The following SLC24A3 variants were observed in gnomAD, a reference collection of about 807,000 sequenced individuals.
SLC24A3 encodes solute carrier family 24 member 3, also known as sodium/potassium/calcium exchanger 3.
A neutral mutation model predicts 75.8 loss-of-function variants in SLC24A3; 28 were observed. That is an observed-to-expected ratio of 0.37 (90% confidence interval 0.27 to 0.51). The LOEUF is 0.51. Among genes scored for constraint, SLC24A3 ranks in the 20% least tolerant of loss-of-function variants. SLC24A3 has a pLI of 0.94. For missense variants in SLC24A3, 663 were observed against 847.8 expected, an observed-to-expected ratio of 0.78 and a Z score of 2.71; for synonymous variants, 372 against 334.1, an observed-to-expected ratio of 1.11 and a Z score of -1.24.
At chr20:19,646,686 G>A (rs1311478282) in intron 6 of SLC24A3, among the ~76,000 whole-genome samples, 1 of 152,212 alleles carries the variant, frequency 6.6e-6, no homozygotes, top group Non-Finnish European at 1.5e-5. Flanking sequence ...AGGGAGAACA[G>A]TCATGGCCTC....
In SLC24A3 at chr20:19,239,953, C is replaced by T. The variant is rs924419554; in HGVS notation, c.142+26969C>T. Among the ~76,000 whole-genome samples the T allele has an allele frequency of 5.9e-5, 9 of 152,112 alleles. No homozygotes were observed. The East Asian group carries it at 1.2e-3, about 20-fold the overall frequency. On this transcript the variant is annotated intron_variant, in intron 1 of 16. Coordinates refer to ENST00000328041, the MANE Select transcript of SLC24A3 (RefSeq NM_020689.4). Reference sequence around the variant, plus strand: ...TGTGGAGTGGGAGAAGCACAATCTGCGGTTGTCCTGAGTCTTTTCTGTCTT... The same window carrying T: ...TGTGGAGTGGGAGAAGCACAATCTGTGGTTGTCCTGAGTCTTTTCTGTCTT...
At chr20:19,403,167 A>G (rs180995137) in intron 2 of SLC24A3, among the ~76,000 whole-genome samples, 14 of 152,290 alleles carry the variant, frequency 9.2e-5, no homozygotes, top group Non-Finnish European at 1.8e-4. Context: ...CAGTGTCACA[A>G]TTGTACTTTT....
At position 19,546,460 on chromosome 20, in the gene SLC24A3, G is replaced by A. The variant is rs76994633; in HGVS notation, c.348+30896G>A. On this transcript the variant is annotated intron_variant, in intron 3 of 16. Coordinates refer to ENST00000328041, the MANE Select transcript of SLC24A3 (RefSeq NM_020689.4). Reference sequence around the variant, plus strand: ...AAATCTCATCAATGCCTAAAACAGAGCTGCTTGACAGAAGTGGGCTGGAAG... The same window carrying A: ...AAATCTCATCAATGCCTAAAACAGAACTGCTTGACAGAAGTGGGCTGGAAG... Among the ~76,000 whole-genome samples the A allele has an allele frequency of 2.3e-3, 348 of 152,288 alleles. 1 individual carries two copies. The highest frequency in any genetic ancestry group is 8.0e-3 in the African/African-American group (333 of 41,572).
intron 2 of SLC24A3, among the ~76,000 whole-genome samples, chr20:19,499,066 T>C (rs12625906): frequency 0.087 from 13,197 of 152,204 alleles, 869 homozygotes; most frequent in East Asian, 0.33. Flanking sequence ...GCAGTGAGTG[T>C]TGGAGCCTTC....
At chr20:19,484,219 T>G (rs575613183) in intron 2 of SLC24A3, among the ~76,000 whole-genome samples, 1 of 152,338 alleles carries the variant, frequency 6.6e-6, no homozygotes, top group African/African-American at 2.4e-5. Context: ...TAATGAGGTA[T>G]CTTGGAGATG....
chr20:19,494,080 G>A (rs552838114), intron 2 of SLC24A3, among the ~76,000 whole-genome samples: 135 of 152,248 alleles, frequency 8.9e-4, no homozygotes, highest in South Asian at 1.7e-3. Context: ...GTCTGTGACT[G>A]GAGATCCTTC....
chr20:19,678,746 C>T (rs1271936527), intron 9 of SLC24A3, among the ~76,000 whole-genome samples: 3 of 148,608 alleles, frequency 2.0e-5, no homozygotes, highest in Admixed American at 6.6e-5. Context: ...ATTTCTCAGA[C>T]GGGGCGGCTG....
At chr20:19,646,018 G>C (rs2032132771) in intron 6 of SLC24A3, among the ~76,000 whole-genome samples, 2 of 152,094 alleles carry the variant, frequency 1.3e-5, no homozygotes, top group South Asian at 2.1e-4. Flanking sequence ...TTGCACCACT[G>C]CACTCCAGCC....
chr20:19,260,259 G>A (rs1251602066), intron 1 of SLC24A3, among the ~76,000 whole-genome samples: 2 of 152,320 alleles, frequency 1.3e-5, no homozygotes, highest in East Asian at 3.9e-4. Flanking sequence ...GCGACCTTTG[G>A]CAAGTTGCTG....
chr20:19,239,569 G>A (rs1982273633), intron 1 of SLC24A3, among the ~76,000 whole-genome samples: 1 of 152,222 alleles, frequency 6.6e-6, no homozygotes. Flanking sequence ...TGACCCCAGG[G>A]TGGCTGACCC....
At chr20:19,246,076 T>C (rs1982476563) in intron 1 of SLC24A3, among the ~76,000 whole-genome samples, 1 of 152,186 alleles carries the variant, frequency 6.6e-6, no homozygotes, top group African/African-American at 2.4e-5. Context: ...GAATTCACTT[T>C]GTACGTGGCC....
At chr20:19,500,035 A>G (rs1418722849) in intron 2 of SLC24A3, among the ~76,000 whole-genome samples, 2 of 152,154 alleles carry the variant, frequency 1.3e-5, no homozygotes, top group East Asian at 1.9e-4. Flanking sequence ...TGGTGGATGT[A>G]GCGACTCTGC....
At chr20:19,581,934 C>T (rs1435810635) in intron 4 of SLC24A3, among the ~76,000 whole-genome samples, 1 of 152,164 alleles carries the variant, frequency 6.6e-6, no homozygotes, top group African/African-American at 2.4e-5. Flanking sequence ...CTGGGCTCTC[C>T]CTGCTCCCAC....
intron 3 of SLC24A3, among the ~76,000 whole-genome samples, chr20:19,538,821 G>A (rs1211609942): frequency 6.6e-6 from 1 of 152,174 alleles, no homozygotes; most frequent in Non-Finnish European, 1.5e-5. Flanking sequence ...AATATCCACG[G>A]CAGCACTGTT....
intron 2 of SLC24A3, among the ~76,000 whole-genome samples, chr20:19,339,013 A>G (rs1038057469): frequency 2.6e-5 from 4 of 152,164 alleles, no homozygotes; most frequent in Non-Finnish European, 5.9e-5. Context: ...GATGTTCCAC[A>G]TTTTGAATGG....
rs2032578910 is a variant in SLC24A3, at chr20:19,679,349, G to A, written c.768-2509G>A. Reference sequence around the variant, plus strand: ...AACCCCGTCTCCACCAAAAAAATACGAAAACCAGTCAGGCGTGGCGGCACG... The same window carrying A: ...AACCCCGTCTCCACCAAAAAAATACAAAAACCAGTCAGGCGTGGCGGCACG... On this transcript the variant is annotated intron_variant, in intron 9 of 16. Transcript: ENST00000328041. Among the ~76,000 whole-genome samples the A allele has an allele frequency of 2.6e-5, 4 of 152,244 alleles. No individual in the cohort carries two copies. In the South Asian group the frequency reaches 8.3e-4, roughly 32 times the overall value.
chr20:19,648,169 A>G (rs1259190600), intron 6 of SLC24A3, among the ~76,000 whole-genome samples: 1 of 152,196 alleles, frequency 6.6e-6, no homozygotes, highest in African/African-American at 2.4e-5. Flanking sequence ...TGTGGGAGGA[A>G]AAACCCACAT....
intron 3 of SLC24A3, among the ~76,000 whole-genome samples, chr20:19,569,747 A>C (rs1249321420): frequency 2.6e-5 from 4 of 152,002 alleles, no homozygotes; most frequent in African/African-American, 9.7e-5. Flanking sequence ...ACATGCTCTT[A>C]ACCCCCTTCC....
At chr20:19,472,762 A>C (rs1169045637) in intron 2 of SLC24A3, among the ~76,000 whole-genome samples, 2 of 152,162 alleles carry the variant, frequency 1.3e-5, no homozygotes, top group African/African-American at 4.8e-5. Context: ...CCGTTGCCTG[A>C]AATACAGGGG....
Sources: allele counts gnomAD v4.1 joint callset (sites outside exome capture counted in the v4.1 genomes callset), GRCh38; gene constraint gnomAD v4.1.1; transcripts MANE v1.5; gene names NCBI Gene and HGNC (gene_info 2026-07-23, HGNC 2026-07-21).